Variants in FMN2 observed in about 807,000 individuals in gnomAD.
FMN2 encodes the protein formin-2.
A neutral mutation model predicts 142.3 loss-of-function variants in FMN2; 51 were observed. That is an observed-to-expected ratio of 0.36 (90% CI 0.29 to 0.45). FMN2 has a LOEUF of 0.45. Among genes scored for constraint, FMN2 ranks in the 20% least tolerant of loss-of-function variants. The pLI, the probability that FMN2 is intolerant of heterozygous loss-of-function variation, is 1.00. For synonymous variants in FMN2, 882 were observed against 869.8 expected (o/e 1.01, Z -0.25); for missense variants, 1,936 against 2,122.8 (o/e 0.91, Z 1.73).
intron 2 of FMN2, chr1:240,143,892 C>A: frequency 6.3e-7 from 1 of 1,584,820 alleles, no homozygotes; most frequent in Non-Finnish European, 8.7e-7. Context: ...GTTAGGACAT[C>A]TTCATGATTT....
chr1:240,349,444 T>A (rs1672019248), intron 13 of FMN2, among the ~76,000 whole-genome samples: 1 of 152,174 alleles, frequency 6.6e-6, no homozygotes, highest in South Asian at 2.1e-4. Context: ...AAGCTGTGAT[T>A]AACATTGATT....
At chr1:240,171,977 C>T (rs1385186508) in intron 2 of FMN2, among the ~76,000 whole-genome samples, 4 of 152,124 alleles carry the variant, frequency 2.6e-5, no homozygotes, top group Admixed American at 2.0e-4. Flanking sequence ...GGAGTGGAGT[C>T]ATGAAAATGC....
At chr1:240,374,830 C>A (rs149851883) in intron 14 of FMN2, among the ~76,000 whole-genome samples, 1 of 152,172 alleles carries the variant, frequency 6.6e-6, no homozygotes, top group African/African-American at 2.4e-5. Context: ...GTCTGTCTCA[C>A]GCAAGAGAAC....
intron 15 of FMN2, among the ~76,000 whole-genome samples, chr1:240,396,507 ACATGGGTACATTG>A (rs1159792696): frequency 6.6e-6 from 1 of 151,402 alleles, no homozygotes; most frequent in Non-Finnish European, 1.5e-5. Context: ...CAGGTTTGTT[ACATGGGTACATTG>A]CACGACACTG....
intron 6 of FMN2, among the ~76,000 whole-genome samples, chr1:240,232,740 A>G (rs1667570556): frequency 6.6e-6 from 1 of 152,050 alleles, no homozygotes; most frequent in Non-Finnish European, 1.5e-5. Flanking sequence ...CATGTTTGCC[A>G]TTCTTGAGGT....
intron 2 of FMN2, among the ~76,000 whole-genome samples, chr1:240,133,740 A>T (rs1662832211): frequency 1.3e-5 from 2 of 152,234 alleles, no homozygotes; most frequent in African/African-American, 2.4e-5. Flanking sequence ...ATTCAGAGTT[A>T]GATGCCATTC....
At chr1:240,375,298 ATGT>A (rs1673007883) in intron 14 of FMN2, among the ~76,000 whole-genome samples, 1 of 152,214 alleles carries the variant, frequency 6.6e-6, no homozygotes, top group East Asian at 1.9e-4. Flanking sequence ...TGAGCACATG[ATGT>A]TGTAAAAATG....
chr1:240,146,393 CAA>C (rs71170704), intron 2 of FMN2, among the ~76,000 whole-genome samples: 25,545 of 98,974 alleles, frequency 0.26, 2,772 homozygotes, highest in African/African-American at 0.35. Flanking sequence ...GACTCTGTCT[CAA>C]AAAAAAAAAA....
At chr1:240,333,845 G>C (rs1671466216) in intron 11 of FMN2, 42 bp from the exon 12 acceptor site, 8 of 1,469,416 alleles carry the variant, frequency 5.4e-6, no homozygotes, top group Non-Finnish European at 7.4e-6. Flanking sequence ...TATTTAATTA[G>C]TTAAAAAATA....
chr1:240,275,016 C>A (rs1669144785), intron 7 of FMN2, among the ~76,000 whole-genome samples: 1 of 151,236 alleles, frequency 6.6e-6, no homozygotes, highest in African/African-American at 2.4e-5. Context: ...AGTGCATGAA[C>A]CTGGTGGTAT....
At chr1:240,427,196 TTTTTTTTTGTTTTTGTTTTTG>T (rs1177875440) in intron 15 of FMN2, among the ~76,000 whole-genome samples, 1 of 125,624 alleles carries the variant, frequency 8.0e-6, no homozygotes, top group East Asian at 1.9e-4. Flanking sequence ...TATATATGGT[TTTTTTTTTGTTTTTGTTTTTG>T]TTTTTTTGAG....
At chr1:240,270,218 T>C (rs1188550816) in intron 7 of FMN2, among the ~76,000 whole-genome samples, 2 of 152,116 alleles carry the variant, frequency 1.3e-5, no homozygotes, top group South Asian at 2.1e-4. Flanking sequence ...ATACCCAATT[T>C]GTTGGGAGTT....
chr1:240,313,221 T>A (rs1670653303), intron 8 of FMN2, among the ~76,000 whole-genome samples: 1 of 152,204 alleles, frequency 6.6e-6, no homozygotes, highest in South Asian at 2.1e-4. Context: ...ATTCTACCCA[T>A]CCGATGCTTC....
chr1:240,131,714 GA>G (rs537725837), intron 2 of FMN2, among the ~76,000 whole-genome samples: 2,410 of 142,894 alleles, frequency 0.017, 29 homozygotes, highest in Non-Finnish European at 0.024. Context: ...GTCTCAAAAA[GA>G]AAAAAAAAAA....
At chr1:240,275,172 G>A (rs1474549334) in intron 7 of FMN2, among the ~76,000 whole-genome samples, 1 of 150,830 alleles carries the variant, frequency 6.6e-6, no homozygotes, top group Non-Finnish European at 1.5e-5. Context: ...CACGTGCCAT[G>A]GTGTTTTGCT....
At chr1:240,114,824 A>G (rs1481678774) in intron 1 of FMN2, among the ~76,000 whole-genome samples, 3 of 151,764 alleles carry the variant, frequency 2.0e-5, no homozygotes, top group Non-Finnish European at 2.9e-5. Flanking sequence ...TGCCCAGCTA[A>G]TTTTTGTATT....
intron 2 of FMN2, among the ~76,000 whole-genome samples, chr1:240,173,239 A>G (rs1008928705): frequency 6.6e-6 from 1 of 152,100 alleles, no homozygotes; most frequent in East Asian, 1.9e-4. Flanking sequence ...CCCGGCCTCA[A>G]GTGGCTTTTA....
chr1:240,211,027 T>G lies in FMN2; in HGVS notation c.3921-64T>G, dbSNP rs1022306213. The G allele has an allele frequency of 2.1e-5, 31 of 1,493,682 alleles. No individual in the cohort carries two copies. The Admixed American group carries it at 6.7e-4, about 32-fold the overall frequency. 92.5% of individuals were successfully genotyped at this position (1,493,682 alleles called of 1,614,324 possible). On this transcript the variant is annotated intron_variant, in intron 5 of 17. Transcript: ENST00000319653. ...CCTCCCTCCCCTTCTTCCTTTCTAT[T>G]TATGCTTGCTGTGATGTAAGTTCAG...
intron 15 of FMN2, among the ~76,000 whole-genome samples, chr1:240,435,718 G>A (rs1169434458): frequency 6.6e-6 from 1 of 152,138 alleles, no homozygotes; most frequent in African/African-American, 2.4e-5. Flanking sequence ...ATAGAGGCAG[G>A]ATTCAATATT....
Sources: gnomAD v4.1 joint callset for allele counts (sites outside exome capture counted in the v4.1 genomes callset) on GRCh38, gnomAD v4.1.1 for gene constraint, MANE v1.5 for transcripts, NCBI Gene and HGNC (gene_info 2026-07-23, HGNC 2026-07-21) for gene names.